Variants in SLIT3 observed in about 807,000 individuals in gnomAD.
SLIT3 encodes slit homolog 3 protein.
In SLIT3, 68 loss-of-function variants were observed where a neutral mutation model predicts 184.0. That is an observed-to-expected ratio of 0.37 (90% CI 0.30 to 0.45). The LOEUF (loss-of-function observed/expected upper bound fraction) is 0.45. Among genes scored for constraint, SLIT3 ranks in the 20% least tolerant of loss-of-function variants. SLIT3 has a pLI of 1.00. For synonymous variants in SLIT3, 831 were observed against 828.6 expected (o/e 1.00, Z -0.05); for missense variants, 1,707 against 2,026.0 (o/e 0.84, Z 3.02).
At chr5:169,276,900 G>T (rs1279358969) in intron 1 of SLIT3, among the ~76,000 whole-genome samples, 1 of 151,792 alleles carries the variant, frequency 6.6e-6, no homozygotes, top group East Asian at 1.9e-4. Flanking sequence ...TTTTAAAACT[G>T]TAAAATCTAC....
At chr5:169,092,766 G>A (rs1249338388) in intron 4 of SLIT3, among the ~76,000 whole-genome samples, 5 of 152,164 alleles carry the variant, frequency 3.3e-5, no homozygotes, top group African/African-American at 1.2e-4. Context: ...CTGTCCCTTT[G>A]TGGTCTTGGT....
chr5:169,109,583 T>C (rs558170553), intron 4 of SLIT3, among the ~76,000 whole-genome samples: 1 of 152,324 alleles, frequency 6.6e-6, no homozygotes, highest in Non-Finnish European at 1.5e-5. Flanking sequence ...TATAGGGCAA[T>C]TGAAAATGAA....
chr5:168,847,782 A>G (rs897385779), intron 5 of SLIT3, among the ~76,000 whole-genome samples: 2 of 152,088 alleles, frequency 1.3e-5, no homozygotes, highest in Non-Finnish European at 2.9e-5. Context: ...TGAGGCCAAA[A>G]CATTCGATTT....
At chr5:169,094,401 G>A (rs1055685928) in intron 4 of SLIT3, among the ~76,000 whole-genome samples, 1 of 152,200 alleles carries the variant, frequency 6.6e-6, no homozygotes, top group African/African-American at 2.4e-5. Context: ...GGCCAAGGCG[G>A]GTGGATCACC....
intron 6 of SLIT3, among the ~76,000 whole-genome samples, chr5:168,840,389 T>C (rs1401904908): frequency 1.3e-5 from 2 of 152,150 alleles, no homozygotes; most frequent in Non-Finnish European, 2.9e-5. Context: ...ATTAATCAGG[T>C]TTTCTCATTT....
intron 6 of SLIT3, among the ~76,000 whole-genome samples, chr5:168,843,527 T>G (rs558099047): frequency 2.7e-4 from 41 of 152,188 alleles, no homozygotes; most frequent in Non-Finnish European, 5.9e-4. Context: ...CTACATAATT[T>G]GGAAAGGGGA....
At chr5:169,011,096 G>A (rs1019042853) in intron 4 of SLIT3, among the ~76,000 whole-genome samples, 4 of 152,066 alleles carry the variant, frequency 2.6e-5, no homozygotes, top group South Asian at 2.1e-4. Flanking sequence ...TATAAGGGCC[G>A]AAGCTATAAC....
At chr5:169,244,999 C>T (rs1394956436) in intron 2 of SLIT3, among the ~76,000 whole-genome samples, 1 of 152,184 alleles carries the variant, frequency 6.6e-6, no homozygotes, top group African/African-American at 2.4e-5. Flanking sequence ...GATTGGTTTC[C>T]ATGCCTCTAT....
intron 4 of SLIT3, among the ~76,000 whole-genome samples, chr5:169,160,662 G>T (rs558270226): frequency 5.3e-5 from 8 of 152,338 alleles, no homozygotes; most frequent in African/African-American, 1.9e-4. Context: ...CTGGAGGAAT[G>T]AATCAAGTGA....
chr5:168,828,467 C>T (rs1220677679), intron 6 of SLIT3, among the ~76,000 whole-genome samples: 4 of 151,074 alleles, frequency 2.6e-5, no homozygotes, highest in South Asian at 2.1e-4. Flanking sequence ...CCTGTCTCTA[C>T]CAAAAAAATG....
chr5:168,748,913 T>C (rs1239697941), intron 19 of SLIT3, among the ~76,000 whole-genome samples: 1 of 152,232 alleles, frequency 6.6e-6, no homozygotes, highest in Non-Finnish European at 1.5e-5. Context: ...GGCTTGAATT[T>C]ATGCAAATAA....
intron 4 of SLIT3, among the ~76,000 whole-genome samples, chr5:169,104,372 C>T (rs1760124242): frequency 6.6e-6 from 1 of 152,224 alleles, no homozygotes; most frequent in Non-Finnish European, 1.5e-5. Flanking sequence ...GTACGCTCAG[C>T]TCAATCACAT....
chr5:168,673,895 C>T (rs952291229), intron 32 of SLIT3, among the ~76,000 whole-genome samples: 10 of 135,106 alleles, frequency 7.4e-5, no homozygotes, highest in African/African-American at 3.0e-4. Flanking sequence ...ATTCCCAGAC[C>T]ACCTTCTCAA....
At chr5:168,791,253 C>T (rs946671953) in intron 10 of SLIT3, 3 of 152,176 alleles carry the variant, frequency 2.0e-5, no homozygotes, top group African/African-American at 7.2e-5. Context: ...GTGCTGAGAC[C>T]TCTAGTTGCA....
intron 3 of SLIT3, among the ~76,000 whole-genome samples, chr5:169,231,067 G>GA (rs1402328411): frequency 6.6e-6 from 1 of 151,828 alleles, no homozygotes; most frequent in Non-Finnish European, 1.5e-5. Context: ...CATTGATTAG[G>GA]AAAAAAATCA....
At chr5:169,112,719 G>T (rs2113264117) in intron 4 of SLIT3, among the ~76,000 whole-genome samples, 1 of 152,270 alleles carries the variant, frequency 6.6e-6, no homozygotes, top group South Asian at 2.1e-4. Context: ...GACTTCCAGA[G>T]AGGGGCACCC....
In SLIT3 at chr5:169,026,841, C is replaced by G. The variant is rs1179284783; in HGVS notation, c.414-143505G>C. ...AACTCTAGAGCTACTTTTAGATTGA[C>G]TTTTCAAGAATAAAGGATAGGGACC... On this transcript the variant is annotated intron_variant, in intron 4 of 35. Transcript: ENST00000519560. Among the ~76,000 whole-genome samples, 5 of 151,830 alleles carry G rather than the reference C, an allele frequency of 3.3e-5. No individual in the cohort carries two copies. In the South Asian group the frequency reaches 1.0e-3, roughly 32 times the overall value.
intron 6 of SLIT3, among the ~76,000 whole-genome samples, chr5:168,837,723 C>T (rs1400361321): frequency 1.3e-5 from 2 of 152,182 alleles, no homozygotes; most frequent in Non-Finnish European, 2.9e-5. Flanking sequence ...AGAAACAGTA[C>T]AGAAGTATTT....
intron 26 of SLIT3, among the ~76,000 whole-genome samples, chr5:168,702,603 C>T (rs139142929): frequency 2.7e-4 from 41 of 152,206 alleles, no homozygotes; most frequent in African/African-American, 9.9e-4. Flanking sequence ...ATATGAACTA[C>T]CCTATGGGGA....
Sources: gnomAD v4.1 joint callset for allele counts (sites outside exome capture counted in the v4.1 genomes callset) on GRCh38, gnomAD v4.1.1 for gene constraint, MANE v1.5 for transcripts, NCBI Gene and HGNC (gene_info 2026-07-23, HGNC 2026-07-21) for gene names.